The following KIF21B variants were observed in gnomAD, a reference collection of about 807,000 sequenced individuals.
The protein encoded by KIF21B is kinesin family member 21B.
Under a neutral mutation model 192.9 loss-of-function variants are expected in KIF21B, and 85 were observed. The ratio of observed to expected loss-of-function variants is 0.44; its 90% confidence interval spans 0.37 to 0.53. The LOEUF (loss-of-function observed/expected upper bound fraction) is 0.53. Among genes scored for constraint, KIF21B ranks in the 20% least tolerant of loss-of-function variants. The pLI is 0.00. For synonymous variants in KIF21B, 832 were observed against 884.6 expected, an observed-to-expected ratio of 0.94 and a Z score of 1.05; for missense variants, 1,716 against 2,194.8, an observed-to-expected ratio of 0.78 and a Z score of 4.36.
Position 201,008,841 on chromosome 1 carries a change from G to T in KIF21B, c.375C>A (p.Ala125=). The change falls in exon 3 of 35, where the codon GCC becomes GCA. Residue 125 remains alanine, a synonymous_variant. Transcript: ENST00000461742. ...RAIAHLFGGI[A]ERKRRAQEQG... ...GCTCCTGTGCCCGGCGCTTGCGCTCGGCAATGCCCCCAAAGAGGTGTGCGA... is the reference window on the plus strand; with the variant it reads ...GCTCCTGTGCCCGGCGCTTGCGCTCTGCAATGCCCCCAAAGAGGTGTGCGA... The T allele has an allele frequency of 6.8e-6, 11 of 1,609,404 alleles. No homozygotes were observed. The highest frequency in any genetic ancestry group is 9.3e-6 in the Non-Finnish European group (11 of 1,179,984).
intron 16 of KIF21B, 61 bp downstream of exon 16, chr1:200,992,221 A>C: frequency 6.7e-7 from 1 of 1,489,022 alleles, no homozygotes; most frequent in Non-Finnish European, 9.3e-7. Context: ...AGCCAGGTGC[A>C]CCAGGAGGCT....
At chr1:201,015,070 T>C (rs1407589660) in intron 1 of KIF21B, among the ~76,000 whole-genome samples, 1 of 152,236 alleles carries the variant, frequency 6.6e-6, no homozygotes. Flanking sequence ...TTACATTATA[T>C]CATTTAGTTC....
Position 201,004,349 on chromosome 1 carries a change from C to T in KIF21B, c.1007G>A (p.Gly336Glu). Residue 336 changes from glycine (G) to glutamate (E), a missense_variant, in exon 7 of 35, where the codon GGG becomes GAG. Physicochemically the swap from Gly to Glu is moderately conservative, Grantham distance 98. Transcript: ENST00000461742. ...GTTGGTCACCAGATACCTGTTGCCC[C>T]CCAGCGAATCCTGGAGGAGCCGAGT... ...KLTRLLQDSL[G>E]GNSQTIMIAC... 1 of 1,564,492 alleles carries T rather than the reference C, an allele frequency of 6.4e-7. No individual in the cohort carries two copies. The highest frequency in any genetic ancestry group is 8.7e-7 in the Non-Finnish European group (1 of 1,153,442).
At chr1:200,991,542 C>A in intron 17 of KIF21B, 115 bp downstream of exon 17, 2 of 1,082,374 alleles carry the variant, frequency 1.8e-6, no homozygotes, top group Admixed American at 1.9e-5. Context: ...GGAAATACCG[C>A]CTTTATTCCA....
Position 201,004,929 on chromosome 1 carries a change from T to C in KIF21B, c.737A>G (p.Asn246Ser). The C allele has an allele frequency of 6.2e-7, 1 of 1,605,794 alleles. No homozygotes were observed. Among genetic ancestry groups the C allele is most frequent in the Non-Finnish European group, 8.5e-7 (1 of 1,173,206 alleles). The change falls in exon 6 of 35, where the codon AAT (asparagine) becomes AGT (serine). Residue 246 changes from asparagine to serine, a missense_variant. Asn to Ser is a conservative substitution (Grantham distance 46). Coordinates refer to ENST00000461742, the MANE Select transcript of KIF21B (RefSeq NM_001252102.2). ...ATCAGGAAGCCCAGTCACCGCCTCA[T>C]TCACCTGCAGCAGAAGTCAGCTCTG... ...MRMCTQPDLV[N>S]EAVTGLPDGT...
In KIF21B at chr1:201,023,656, G is replaced by A. The variant is rs1659013085; in HGVS notation, c.-273C>T. 1 of 150,918 alleles carries A rather than the reference G, an allele frequency of 6.6e-6. No individual in the cohort carries two copies. The highest frequency in any genetic ancestry group is 1.5e-5 in the Non-Finnish European group (1 of 67,570). The allele number at this position is 150,918 out of a possible 1,614,324, so 9.3% of individuals were successfully genotyped here. ...GGCGGCGCGACCCGCCGCTCCCTAC[G>A]GCGCGGCACACGCGCACACACCTCC... On this transcript the variant is annotated 5_prime_UTR_variant, in exon 1 of 35. Coordinates refer to ENST00000461742, the MANE Select transcript of KIF21B (RefSeq NM_001252102.2). This position sits in a 1 kb window ranked among gnomAD's most constrained non-coding sequence, Gnocchi z 5.9.
At chr1:200,992,160 C>A in intron 16 of KIF21B, 122 bp downstream of exon 16, 1 of 777,380 alleles carries the variant, frequency 1.3e-6, no homozygotes, top group Non-Finnish European at 2.1e-6. Context: ...CCAAGCATGA[C>A]CATTACCACT....
intron 1 of KIF21B, among the ~76,000 whole-genome samples, chr1:201,019,882 T>C (rs1320491563): frequency 6.6e-6 from 1 of 152,092 alleles, no homozygotes; most frequent in Non-Finnish European, 1.5e-5. Context: ...AGTCTTTCTC[T>C]CCCAAGCCAC....
At chr1:201,020,325 A>G (rs1344445781) in intron 1 of KIF21B, among the ~76,000 whole-genome samples, 1 of 152,130 alleles carries the variant, frequency 6.6e-6, no homozygotes, top group Non-Finnish European at 1.5e-5. Flanking sequence ...CCCATTTGTC[A>G]GGCCTATATC....
chr1:200,976,095 T>C (rs553673127), intron 32 of KIF21B, among the ~76,000 whole-genome samples: 1 of 152,296 alleles, frequency 6.6e-6, no homozygotes, highest in Admixed American at 6.5e-5. Context: ...TTCTTTCCAG[T>C]TTCTTTTTTG....
Position 201,023,315 on chromosome 1 carries a change from C to T in KIF21B, c.41+28G>A. ...AGACAAAGCCCGAGGCTTCTCCGCG[C>T]GCCCCCTTCCCCGCCCCGGGTCCCT... On this transcript the variant is annotated intron_variant, in intron 1 of 34. Coordinates refer to ENST00000461742, the MANE Select transcript of KIF21B (RefSeq NM_001252102.2). The surrounding 1 kb of genome is among the most constrained non-coding windows in gnomAD (Gnocchi z 5.9). 6.6e-7 allele frequency: 1 copy of T among 1,519,028 alleles called. No homozygotes were observed. The allele number at this position is 1,519,028 out of a possible 1,614,324, so 94.1% of individuals were successfully genotyped here. A position where few individuals can be genotyped will look rare whatever the true frequency, so the allele number is the denominator to read the frequency against.
At chr1:201,020,666 G>A (rs560484166) in intron 1 of KIF21B, among the ~76,000 whole-genome samples, 202 of 152,196 alleles carry the variant, frequency 1.3e-3, no homozygotes, top group African/African-American at 4.6e-3. Context: ...TTCCTCCTCC[G>A]GCTCTCCAGG....
intron 1 of KIF21B, among the ~76,000 whole-genome samples, chr1:201,012,970 A>G (rs1475897914): frequency 6.6e-6 from 1 of 152,214 alleles, no homozygotes; most frequent in Non-Finnish European, 1.5e-5. Flanking sequence ...ATCACTAAAT[A>G]AAATTCATCC....
intron 1 of KIF21B, among the ~76,000 whole-genome samples, chr1:201,010,890 G>A (rs951869275): frequency 6.6e-6 from 1 of 152,208 alleles, no homozygotes; most frequent in Non-Finnish European, 1.5e-5. Context: ...AGTTAAAGGG[G>A]ACTGGGGAGG....
Position 200,991,541 on chromosome 1 carries a change from G to A in KIF21B, c.2454+116C>T, listed in dbSNP as rs1558009093. The A allele has an allele frequency of 8.5e-6, 9 of 1,064,440 alleles. 1 individual carries two copies. The highest frequency in any genetic ancestry group is 3.1e-5 in the African/African-American group (2 of 63,860). The allele number at this position is 1,064,440 out of a possible 1,614,324, so 65.9% of individuals were successfully genotyped here. On this transcript the variant is annotated intron_variant, in intron 17 of 34. Coordinates refer to ENST00000461742, the MANE Select transcript of KIF21B (RefSeq NM_001252102.2). ...GGCTCTGGCAGAACTGGGAAATACC[G>A]CCTTTATTCCACCGCCAGGAAGTTG...
intron 1 of KIF21B, among the ~76,000 whole-genome samples, chr1:201,014,462 G>A (rs74138811): frequency 0.037 from 5,688 of 152,298 alleles, 233 homozygotes; most frequent in East Asian, 0.12. Context: ...CAGCCCAGGG[G>A]TATGCTGAGA....
At chr1:201,015,731 G>A (rs1658467014) in intron 1 of KIF21B, among the ~76,000 whole-genome samples, 1 of 152,172 alleles carries the variant, frequency 6.6e-6, no homozygotes, top group Non-Finnish European at 1.5e-5. Flanking sequence ...TAGCCATGTG[G>A]TGACTTACCA....
At position 200,975,047 on chromosome 1, in the gene KIF21B, C is replaced by T; in HGVS notation, c.4615-134G>A. 1.2e-6 allele frequency: 1 copy of T among 853,610 alleles called. No individual in the cohort carries two copies. The highest frequency in any genetic ancestry group is 1.8e-6 in the Non-Finnish European group (1 of 548,236). The allele number at this position is 853,610 out of a possible 1,614,324, so 52.9% of individuals were successfully genotyped here. A position where few individuals can be genotyped will look rare whatever the true frequency, so the allele number is the denominator to read the frequency against. On this transcript the variant is annotated intron_variant, in intron 33 of 34. Coordinates refer to ENST00000461742, the MANE Select transcript of KIF21B (RefSeq NM_001252102.2). This position sits in a 1 kb window ranked among gnomAD's most constrained non-coding sequence, Gnocchi z 4.3. ...CTAGAGCTGCCACACGGGCGGGTGA[C>T]ACTGGTTCCAGGAGCCATGCTGGGG...
rs1655437550 is a variant in KIF21B at position 200,974,826 on chromosome 1, C to T, written c.4702G>A (p.Val1568Ile). 5 of 1,614,138 alleles carry T rather than the reference C, an allele frequency of 3.1e-6. No individual in the cohort carries two copies. Among genetic ancestry groups the T allele is most frequent in the Non-Finnish European group, 4.2e-6 (5 of 1,180,034 alleles). ...PMLLSACRAG[V>I]IKVWNVDNFT... ...TTGTCCACGTTCCAGACCTTGATGA[C>T]ACCCGCACGGCAGGCGCTGAGCAGC... The change falls in exon 34 of 35, where the codon GTC (valine) becomes ATC (isoleucine). Residue 1568 changes from valine (V) to isoleucine (I), a missense_variant. Transcript: ENST00000461742.
Sources: gnomAD v4.1 joint callset for allele counts (sites outside exome capture counted in the v4.1 genomes callset) on GRCh38, gnomAD v4.1.1 for gene constraint, Gnocchi (gnomAD v3.1) non-coding constraint, MANE v1.5 for transcripts, NCBI Gene and HGNC (gene_info 2026-07-23, HGNC 2026-07-21) for gene names.